The following ADAMTSL1 variants were observed in gnomAD, a reference collection of about 807,000 sequenced individuals.
The protein encoded by ADAMTSL1 is ADAMTS-like protein 1.
Under a neutral mutation model 201.8 loss-of-function variants are expected in ADAMTSL1, and 126 were observed. The observed-to-expected ratio is 0.62, with a 90% CI of 0.54 to 0.72. ADAMTSL1 has a LOEUF of 0.72. ADAMTSL1 is among the 30% of genes least tolerant of loss of function. The pLI is 0.00. For synonymous variants in ADAMTSL1, 1,121 were observed against 903.4 expected (o/e 1.24, Z -4.32); for missense variants, 2,679 against 2,277.8 (o/e 1.18, Z -3.59).
intron 2 of ADAMTSL1, among the ~76,000 whole-genome samples, chr9:18,314,096 AT>A (rs2132810660): frequency 6.6e-6 from 1 of 152,280 alleles, no homozygotes; most frequent in East Asian, 1.9e-4. Context: ...AATGTCTATA[AT>A]CAGTAGGGAA....
chr9:18,573,938 C>T, intron 3 of ADAMTSL1, 92 bp from the exon 4 acceptor site: 1 of 965,980 alleles, frequency 1.0e-6, no homozygotes, highest in South Asian at 1.6e-5. Flanking sequence ...GTTTTGCTTT[C>T]TAAGACCTAA....
intron 2 of ADAMTSL1, among the ~76,000 whole-genome samples, chr9:18,514,184 T>C (rs143486648): frequency 1.4e-3 from 220 of 152,296 alleles, no homozygotes; most frequent in African/African-American, 5.1e-3. Flanking sequence ...GTTTTGTGAT[T>C]GTCAGTGTTC....
chr9:18,725,000 G>T (rs575038353), intron 15 of ADAMTSL1, among the ~76,000 whole-genome samples: 6 of 151,592 alleles, frequency 4.0e-5, no homozygotes, highest in Non-Finnish European at 7.4e-5. Context: ...TCCGCCTCCC[G>T]GGTTTACACC....
intron 1 of ADAMTSL1, among the ~76,000 whole-genome samples, chr9:18,003,276 T>C (rs1819687142): frequency 6.6e-6 from 1 of 151,922 alleles, no homozygotes; most frequent in South Asian, 2.1e-4. Flanking sequence ...TACATGTCCA[T>C]GAAGCAGCAT....
At chr9:18,772,960 G>T (rs1408468899) in intron 17 of ADAMTSL1, among the ~76,000 whole-genome samples, 1 of 152,188 alleles carries the variant, frequency 6.6e-6, no homozygotes, top group South Asian at 2.1e-4. Flanking sequence ...GGAATGGTGG[G>T]AAGTAATCAC....
chr9:18,078,942 C>T (rs943435753), intron 1 of ADAMTSL1, among the ~76,000 whole-genome samples: 1 of 152,188 alleles, frequency 6.6e-6, no homozygotes, highest in Non-Finnish European at 1.5e-5. Context: ...AGGCAGCGAC[C>T]TCTCCTTGGC....
intron 1 of ADAMTSL1, among the ~76,000 whole-genome samples, chr9:18,112,310 G>C (rs1825057852): frequency 6.6e-6 from 1 of 152,024 alleles, no homozygotes; most frequent in Non-Finnish European, 1.5e-5. Flanking sequence ...AAGTGCAGTG[G>C]AGTTAATCTC....
At chr9:18,427,558 C>T (rs1365275989) in intron 2 of ADAMTSL1, among the ~76,000 whole-genome samples, 1 of 152,196 alleles carries the variant, frequency 6.6e-6, no homozygotes, top group Non-Finnish European at 1.5e-5. Flanking sequence ...TTTTCTGCAA[C>T]TTGTCTAAGA....
chr9:18,439,838 G>A (rs932834141), intron 2 of ADAMTSL1, among the ~76,000 whole-genome samples: 7 of 152,222 alleles, frequency 4.6e-5, no homozygotes, highest in Admixed American at 3.3e-4. Flanking sequence ...TCATACAGCC[G>A]TTTGATAGAT....
chr9:18,071,715 T>C (rs1220086241), intron 1 of ADAMTSL1, among the ~76,000 whole-genome samples: 1 of 152,208 alleles, frequency 6.6e-6, no homozygotes, highest in African/African-American at 2.4e-5. Flanking sequence ...ATCAGGACGT[T>C]TCCTCGAAAG....
chr9:18,712,500 C>G (rs988913635), intron 14 of ADAMTSL1, among the ~76,000 whole-genome samples: 1 of 151,494 alleles, frequency 6.6e-6, no homozygotes, highest in Non-Finnish European at 1.5e-5. Flanking sequence ...AGGGTATCAG[C>G]GATGGAAGAT....
chr9:18,756,864 G>C (rs961408075), intron 16 of ADAMTSL1, among the ~76,000 whole-genome samples: 1 of 152,202 alleles, frequency 6.6e-6, no homozygotes, highest in Non-Finnish European at 1.5e-5. Flanking sequence ...TCTTTCTGGG[G>C]GGAAGAAAAC....
rs12554156 is a variant in ADAMTSL1 at position 18,519,786 on chromosome 9, T to C, written c.192-13461T>C. Among the ~76,000 whole-genome samples the C allele has an allele frequency of 5.1e-3, 778 of 152,338 alleles. 28 individuals are homozygous for C. Among genetic ancestry groups the C allele is most frequent in the Admixed American group, 0.045 (695 of 15,308 alleles). ...TCACTTTCCGCATTGGAGTGCTTAT[T>C]GTACATTGTCTCATTAGATTTTTTG... On this transcript the variant is annotated intron_variant, in intron 2 of 28. Transcript: ENST00000380548.
chr9:18,719,721 G>A (rs967361469), intron 14 of ADAMTSL1, among the ~76,000 whole-genome samples: 1 of 152,152 alleles, frequency 6.6e-6, no homozygotes, highest in Non-Finnish European at 1.5e-5. Context: ...GAAGAAAGGT[G>A]ATTTGGACTC....
chr9:18,590,471 C>T (rs772095608), intron 4 of ADAMTSL1, among the ~76,000 whole-genome samples: 2 of 147,828 alleles, frequency 1.4e-5, no homozygotes, highest in African/African-American at 5.1e-5. Flanking sequence ...CTCAACTTTT[C>T]GTTTTGTTGA....
chr9:18,843,666 G>A (rs1475820757), intron 23 of ADAMTSL1, among the ~76,000 whole-genome samples: 1 of 150,788 alleles, frequency 6.6e-6, no homozygotes, highest in African/African-American at 2.5e-5. Flanking sequence ...TCACTTTCAG[G>A]TACACCAATC....
intron 20 of ADAMTSL1, among the ~76,000 whole-genome samples, chr9:18,803,808 T>A (rs139364427): frequency 2.6e-5 from 4 of 152,328 alleles, no homozygotes; most frequent in Non-Finnish European, 5.9e-5. Flanking sequence ...TTTCATTTTC[T>A]ATATTATCTG....
At chr9:18,806,793 C>T (rs1244034007) in intron 20 of ADAMTSL1, among the ~76,000 whole-genome samples, 2 of 152,182 alleles carry the variant, frequency 1.3e-5, no homozygotes, top group African/African-American at 4.8e-5. Context: ...AGGTCCTCAT[C>T]CTTCAGGATC....
At chr9:18,010,479 G>A (rs542858523) in intron 1 of ADAMTSL1, among the ~76,000 whole-genome samples, 1 of 152,080 alleles carries the variant, frequency 6.6e-6, no homozygotes, top group Admixed American at 6.6e-5. Context: ...ACTTCACTTG[G>A]TTTTAAGGAC....
Sources: allele counts gnomAD v4.1 joint callset (sites outside exome capture counted in the v4.1 genomes callset), GRCh38; gene constraint gnomAD v4.1.1; transcripts MANE v1.5; gene names NCBI Gene and HGNC (gene_info 2026-07-23, HGNC 2026-07-21).